ACAT1: variants seen among roughly 807,000 people sequenced by gnomAD.
ACAT1 encodes the protein acetyl-CoA acetyltransferase, mitochondrial.
In ACAT1, 28 loss-of-function variants were observed where a neutral mutation model predicts 47.3. That is an observed-to-expected ratio of 0.59 (90% CI 0.44 to 0.81). ACAT1 has a LOEUF of 0.81. Among genes scored for constraint, ACAT1 ranks in the 30% least tolerant of loss-of-function variants. The pLI is 0.00. For synonymous variants in ACAT1, 181 were observed against 173.6 expected (o/e 1.04, Z -0.34); for missense variants, 469 against 524.3 (o/e 0.89, Z 1.03).
In ACAT1 at chr11:108,139,011, G is replaced by A; in HGVS notation, c.549G>A (p.Gly183=). ...VKLEDLIVKD[G]LTDVYNKIHM... ...TTGAAGATTTGATTGTAAAAGACGG[G>A]CTAACTGATGTCTACAATAAAATTC... Residue 183 remains glycine, a synonymous_variant, in exon 6 of 12, where the codon GGG becomes GGA. Coordinates refer to ENST00000265838, the MANE Select transcript of ACAT1 (RefSeq NM_000019.4). The A allele has an allele frequency of 6.2e-7, 1 of 1,614,060 alleles. No homozygotes were observed. Among genetic ancestry groups the A allele is most frequent in the Non-Finnish European group, 8.5e-7 (1 of 1,179,992 alleles).
At chr11:108,142,134 T>C (rs2077601860) in intron 8 of ACAT1, among the ~76,000 whole-genome samples, 1 of 152,204 alleles carries the variant, frequency 6.6e-6, no homozygotes, top group African/African-American at 2.4e-5. Flanking sequence ...TAAGGAAAGT[T>C]AGACCCTGGA....
Position 108,142,565 on chromosome 11 carries a change from G to C in ACAT1, c.940+15G>C. On this transcript the variant is annotated intron_variant, in intron 9 of 11. Coordinates refer to ENST00000265838, the MANE Select transcript of ACAT1 (RefSeq NM_000019.4). The stretch of plus-strand genomic sequence containing the variant: ...AAGAATAGTAGGTAAGGCCAGGCGA[G>C]GTGGCTCACACCTGTAATCCCAGCA... The C allele has an allele frequency of 1.3e-6, 2 of 1,599,700 alleles. No individual in the cohort carries two copies. The highest frequency in any genetic ancestry group is 1.7e-6 in the Non-Finnish European group (2 of 1,167,028).
intron 7 of ACAT1, 77 bp from the exon 8 acceptor site, chr11:108,141,528 T>C: frequency 1.9e-6 from 2 of 1,039,556 alleles, no homozygotes; most frequent in East Asian, 2.5e-5. Context: ...CACAGACTAC[T>C]AGGCATCTTG....
upstream of ACAT1, among the ~76,000 whole-genome samples, chr11:108,120,031 C>T (rs1408173145): frequency 6.6e-6 from 1 of 152,070 alleles, no homozygotes; most frequent in Non-Finnish European, 1.5e-5. Context: ...AGCCTCTGGG[C>T]AACATGGTGA....
At chr11:108,132,052 G>A in intron 2 of ACAT1, 98 bp downstream of exon 2, 1 of 761,532 alleles carries the variant, frequency 1.3e-6, no homozygotes, top group South Asian at 1.5e-5. Context: ...GAAAGTCAAA[G>A]CAGGATTATG....
intron 10 of ACAT1, 40 bp from the exon 11 acceptor site, chr11:108,146,162 C>T: frequency 6.7e-7 from 1 of 1,496,632 alleles, no homozygotes; most frequent in Non-Finnish European, 9.3e-7. Flanking sequence ...GTTGTGATTG[C>T]TAATTATTTG....
chr11:108,132,305 T>G (rs1049987277), intron 2 of ACAT1, among the ~76,000 whole-genome samples: 5 of 152,208 alleles, frequency 3.3e-5, no homozygotes, highest in African/African-American at 1.2e-4. Flanking sequence ...CAGTTGGGAA[T>G]TAGACAAGGA....
chr11:108,121,545 C>T (rs1237769677), upstream of ACAT1: 4 of 1,513,426 alleles, frequency 2.6e-6, no homozygotes, highest in African/African-American at 1.4e-5. Context: ...GCTAGGGGTG[C>T]GGGGTTGGGG....
chr11:108,146,255 T>G lies in ACAT1; in HGVS notation c.1059T>G (p.Asn353Lys), dbSNP rs1591374629. The G allele has an allele frequency of 1.2e-6, 2 of 1,613,814 alleles. No individual in the cohort carries two copies. Among genetic ancestry groups the G allele is most frequent in the Non-Finnish European group, 1.7e-6 (2 of 1,179,784 alleles). The change falls in exon 11 of 12, where the codon AAT (asparagine) becomes AAG (lysine). Residue 353 changes from asparagine (N) to lysine (K), a missense_variant. Asn to Lys is a moderately conservative substitution (Grantham distance 94). Coordinates refer to ENST00000265838, the MANE Select transcript of ACAT1 (RefSeq NM_000019.4). ...KKEDIAMWEVNEAFSLVVLAN... is the reference protein window; with the variant it reads ...KKEDIAMWEVKEAFSLVVLAN... The stretch of plus-strand genomic sequence containing the variant: ...AAGATATTGCAATGTGGGAAGTAAA[T>G]GAAGCCTTTAGTCTGGTTGTACTAG...
chr11:108,143,301 CT>C (rs1186132056), intron 9 of ACAT1: 1 of 151,968 alleles, frequency 6.6e-6, no homozygotes, highest in Non-Finnish European at 1.5e-5. Flanking sequence ...TTAAATTAAG[CT>C]TTAAAAAACT....
At chr11:108,139,935 GC>G (rs1415380026) in intron 6 of ACAT1, 129 bp from the exon 7 acceptor site, 5 of 1,180,894 alleles carry the variant, frequency 4.2e-6, no homozygotes, top group Non-Finnish European at 5.9e-6. Context: ...ACAGGCATGA[GC>G]CACCACCTCC....
chr11:108,132,496 A>G (rs1292864646), intron 2 of ACAT1, among the ~76,000 whole-genome samples: 1 of 152,220 alleles, frequency 6.6e-6, no homozygotes, highest in Non-Finnish European at 1.5e-5. Flanking sequence ...GCTGTTTTAT[A>G]GTATTCAAGA....
At chr11:108,124,623 C>A (rs2135295991) in intron 1 of ACAT1, among the ~76,000 whole-genome samples, 1 of 152,264 alleles carries the variant, frequency 6.6e-6, no homozygotes, top group South Asian at 2.1e-4. Flanking sequence ...AGTTCCCCCG[C>A]AGCCAGAGTG....
At chr11:108,121,525 G>A, upstream of ACAT1, 1 of 1,453,910 alleles carries the variant, frequency 6.9e-7, no homozygotes, top group Non-Finnish European at 9.4e-7. Flanking sequence ...GGCGGTGCCC[G>A]CGCCGGGCCG....
chr11:108,145,066 C>A (rs2077676575), intron 10 of ACAT1, among the ~76,000 whole-genome samples: 1 of 152,002 alleles, frequency 6.6e-6, no homozygotes, highest in Non-Finnish European at 1.5e-5. Flanking sequence ...TCGCTCACAA[C>A]AATCAAATTT....
At chr11:108,140,790 G>T (rs1397626474) in intron 7 of ACAT1, among the ~76,000 whole-genome samples, 4 of 152,166 alleles carry the variant, frequency 2.6e-5, no homozygotes, top group Admixed American at 2.0e-4. Flanking sequence ...TTCTATTCCA[G>T]GAATGATTAC....
At chr11:108,144,320 C>G in intron 10 of ACAT1, 1 of 460,238 alleles carries the variant, frequency 2.2e-6, no homozygotes. Flanking sequence ...AACTCACACA[C>G]CTGGTGTGGT....
At chr11:108,129,451 T>C (rs141957505) in intron 1 of ACAT1, among the ~76,000 whole-genome samples, 1,713 of 152,102 alleles carry the variant, frequency 0.011, 38 homozygotes, top group African/African-American at 0.039. Flanking sequence ...TCACTGCAAC[T>C]TCTGCCTCCT....
At chr11:108,145,342 A>C (rs1288076821) in intron 10 of ACAT1, among the ~76,000 whole-genome samples, 1 of 152,244 alleles carries the variant, frequency 6.6e-6, no homozygotes, top group South Asian at 2.1e-4. Context: ...CATTAATATC[A>C]CTAATATTAG....
Sources: allele counts gnomAD v4.1 joint callset (sites outside exome capture counted in the v4.1 genomes callset), GRCh38; gene constraint gnomAD v4.1.1; transcripts MANE v1.5; gene names NCBI Gene and HGNC (gene_info 2026-07-23, HGNC 2026-07-21).